The following LGI4 variants were observed in gnomAD, a reference collection of about 807,000 sequenced individuals.
The protein encoded by LGI4 is leucine rich repeat LGI family member 4.
In LGI4, 36 loss-of-function variants were observed where a neutral mutation model predicts 48.3. The observed-to-expected ratio is 0.75, with a 90% confidence interval of 0.57 to 0.98. The LOEUF (loss-of-function observed/expected upper bound fraction) is 0.98, where lower values mean the gene tolerates loss of function less well. LGI4 is among the 50% of genes least tolerant of loss of function. The probability of loss-of-function intolerance (pLI) is 0.00; values close to 1 mark genes in which losing one functional copy is unlikely to be tolerated. For missense variants in LGI4, 701 were observed against 732.1 expected, an observed-to-expected ratio of 0.96 and a Z score of 0.49; for synonymous variants, 355 against 331.6, an observed-to-expected ratio of 1.07 and a Z score of -0.77.
intron 3 of LGI4, chr19:35,133,472 C>G: frequency 7.2e-7 from 1 of 1,392,306 alleles, no homozygotes; most frequent in Non-Finnish European, 9.3e-7. Context: ...AGGTGATAAT[C>G]AACACTGATA....
rs1388084789 is a variant in LGI4 at position 35,131,538 on chromosome 19, G to C, written c.476C>G (p.Pro159Arg). 6.4e-7 allele frequency: 1 copy of C among 1,550,668 alleles called. No individual in the cohort carries two copies. Among genetic ancestry groups the C allele is most frequent in the Non-Finnish European group, 8.7e-7 (1 of 1,146,714 alleles). Residue 159 changes from proline (P) to arginine (R), a missense_variant, in exon 6 of 9, where the codon CCG (proline) becomes CGG (arginine). Physicochemically the swap from Pro to Arg is moderately radical, Grantham distance 103. Transcript: ENST00000310123. ...GAGGACGCGGCAGTCACACTGGAAC[G>C]GGTTCCCGCGGAGGTCCCTGGGGCA... The part of the protein sequence containing the change: ...TLTHVDLRGN[P>R]FQCDCRVLWL...
intron 8 of LGI4, chr19:35,125,971 T>G: frequency 1.8e-6 from 1 of 541,538 alleles, no homozygotes; most frequent in African/African-American, 1.9e-5. Context: ...AGCATCAGCC[T>G]TGGGGGCTCA....
chr19:35,125,318 G>A lies in LGI4; in HGVS notation c.1489C>T (p.Pro497Ser), dbSNP rs747435424. The part of the protein sequence containing the change: ...LLEPLQELGP[P>S]ALVAPRAFAH... ...AAGGCACGGGGGGCCACCAGGGCCGGAGGCCCCAGCTCCTGCAGTGGCTCC... is the reference window on the plus strand; with the variant it reads ...AAGGCACGGGGGGCCACCAGGGCCGAAGGCCCCAGCTCCTGCAGTGGCTCC... The change falls in exon 9 of 9, where the codon CCG (proline) becomes TCG (serine). Residue 497 changes from proline (P) to serine (S), a missense_variant. By Grantham distance (74) the Pro-to-Ser change is moderately conservative. Coordinates refer to ENST00000310123, the MANE Select transcript of LGI4 (RefSeq NM_139284.3). 1.2e-6 allele frequency: 2 copies of A among 1,612,004 alleles called. No homozygotes were observed. The highest frequency in any genetic ancestry group is 2.2e-5 in the South Asian group (2 of 91,016).
intron 6 of LGI4, among the ~76,000 whole-genome samples, chr19:35,128,486 A>G (rs1177323335): frequency 6.6e-6 from 1 of 152,222 alleles, no homozygotes; most frequent in Non-Finnish European, 1.5e-5. Flanking sequence ...AGGCAGATGG[A>G]TCAGTAGAGC....
rs907284033 is a variant in LGI4 at position 35,130,407 on chromosome 19, G to A, written c.628+979C>T. 6.6e-5 allele frequency among the ~76,000 whole-genome samples: 10 copies of A among 152,240 alleles called. 1 individual carries two copies. The South Asian group carries it at 1.0e-3, about 16-fold the overall frequency. On this transcript the variant is annotated intron_variant, in intron 6 of 8. Coordinates refer to ENST00000310123, the MANE Select transcript of LGI4 (RefSeq NM_139284.3). Reference sequence around the variant, plus strand: ...TATTGTATTCATAGCATCTGTGGCCGGGTGTGGTGGCACATGCTTGTAATC... The same window carrying A: ...TATTGTATTCATAGCATCTGTGGCCAGGTGTGGTGGCACATGCTTGTAATC...
At position 35,126,355 on chromosome 19, in the gene LGI4, TC is replaced by T; in HGVS notation, c.1213del (p.Glu405ArgfsTer65). 1 of 1,611,664 alleles carries T rather than the reference TC, an allele frequency of 6.2e-7. No homozygotes were observed. The highest frequency in any genetic ancestry group is 8.5e-7 in the Non-Finnish European group (1 of 1,179,538). On this transcript the variant is annotated frameshift_variant, in exon 8 of 9. Transcript: ENST00000310123. LOFTEE classifies it high-confidence loss of function. ...GCGTGTGGCATAGACATCCTCGGCCTCGGGGATGTCTGTGCGTCTCTCGAAG... is the reference window on the plus strand; with the variant it reads ...GCGTGTGGCATAGACATCCTCGGCCTGGGGATGTCTGTGCGTCTCTCGAAG... Reference protein sequence around the residue: ...GRFERRTDIPEAEDVYATRHF... With the variant: ...GRFERRTDIPXAEDVYATRHF...
intron 6 of LGI4, among the ~76,000 whole-genome samples, chr19:35,128,168 T>C (rs1568394659): frequency 6.6e-6 from 1 of 152,204 alleles, no homozygotes; most frequent in Non-Finnish European, 1.5e-5. Context: ...TCACTCCAGA[T>C]CCTTCTATCC....
In LGI4 at chr19:35,126,571, A is replaced by G. The variant is rs1428485826; in HGVS notation, c.998T>C (p.Val333Ala). The G allele has an allele frequency of 6.5e-7, 1 of 1,539,670 alleles. No homozygotes were observed. Among genetic ancestry groups the G allele is most frequent in the Non-Finnish European group, 8.7e-7 (1 of 1,148,220 alleles). The change falls in exon 8 of 9, where the codon GTG (valine) becomes GCG (alanine). Residue 333 changes from valine to alanine, a missense_variant. By Grantham distance (64) the Val-to-Ala change is moderately conservative (BLOSUM62 0). Around this residue, in one of 3 missense-constraint regions of LGI4, gnomAD observed 16 missense variants for 32.5 expected, o/e 0.49. Coordinates refer to ENST00000310123, the MANE Select transcript of LGI4 (RefSeq NM_139284.3). The part of the protein sequence containing the change: ...LWLEGQPCFV[V>A]ADASKAGSTT... ...GCTGCCCGCCTTGGAGGCATCGGCC[A>G]CCACGAAGCAGGGTTGCCCTTCCAG...
rs757247285 is a variant in LGI4 at position 35,132,003 on chromosome 19, A to G, written c.354T>C (p.Asn118=). The G allele has an allele frequency of 6.3e-7, 1 of 1,587,768 alleles. No homozygotes were observed. Among genetic ancestry groups the G allele is most frequent in the Non-Finnish European group, 8.6e-7 (1 of 1,166,676 alleles). Residue 118 remains asparagine (N), a synonymous_variant, in exon 4 of 9, where the codon AAT becomes AAC. Coordinates refer to ENST00000310123, the MANE Select transcript of LGI4 (RefSeq NM_139284.3). ...TAAGCGAGCGAAGTCCTCTGAGGGC[A>G]TTCTTAGAGATGGAGCCAATCTCAT... The part of the protein sequence containing the change: ...EDNEIGSISK[N]ALRGLRSLTH...
rs1389840953 is a variant in LGI4, at chr19:35,124,666, G to T, written c.*527C>A. The T allele has an allele frequency of 1.3e-5, 2 of 152,426 alleles. No homozygotes were observed. Among genetic ancestry groups the T allele is most frequent in the African/African-American group, 4.8e-5 (2 of 41,482 alleles). 9.4% of individuals were successfully genotyped at this position (152,426 alleles called of 1,614,324 possible). On this transcript the variant is annotated 3_prime_UTR_variant, in exon 9 of 9. Coordinates refer to ENST00000310123, the MANE Select transcript of LGI4 (RefSeq NM_139284.3). Reference sequence around the variant, plus strand: ...AGGCGCAAAAGGCACAGCTTGCTGGGCGGCCGCACGCATGCGCACAAGCAG... The same window carrying T: ...AGGCGCAAAAGGCACAGCTTGCTGGTCGGCCGCACGCATGCGCACAAGCAG...
chr19:35,128,380 G>A (rs911493307), intron 6 of LGI4, among the ~76,000 whole-genome samples: 2 of 152,152 alleles, frequency 1.3e-5, no homozygotes, highest in African/African-American at 4.8e-5. Flanking sequence ...CCTAAAGGGC[G>A]AATCTTTTTT....
rs2065199771 is a variant in LGI4, at chr19:35,134,994, C to G, written c.-314G>C. ...TCTTTTTTTCTGTGTTGCTGTCAGT[C>G]TTTCAGGCTTTAGGTAGCTGTCTAT... On this transcript the variant is annotated 5_prime_UTR_variant, in exon 1 of 9. Coordinates refer to ENST00000310123, the MANE Select transcript of LGI4 (RefSeq NM_139284.3). 2 of 343,552 alleles carry G rather than the reference C, an allele frequency of 5.8e-6. No individual in the cohort carries two copies. Among genetic ancestry groups the G allele is most frequent in the South Asian group, 4.5e-5 (1 of 22,256 alleles). The allele number at this position is 343,552 out of a possible 1,614,324, so 21.3% of individuals were successfully genotyped here. A position where few individuals can be genotyped will look rare whatever the true frequency, so the allele number is the denominator to read the frequency against.
rs1228838300 is a variant in LGI4 at position 35,124,769 on chromosome 19, T to G, written c.*424A>C. 2 of 158,786 alleles carry G rather than the reference T, an allele frequency of 1.3e-5. No homozygotes were observed. Among genetic ancestry groups the G allele is most frequent in the African/African-American group, 4.8e-5 (2 of 41,740 alleles). 9.8% of individuals were successfully genotyped at this position (158,786 alleles called of 1,614,324 possible). On this transcript the variant is annotated 3_prime_UTR_variant, in exon 9 of 9. Coordinates refer to ENST00000310123, the MANE Select transcript of LGI4 (RefSeq NM_139284.3). Reference sequence around the variant, plus strand: ...GGAAAGCGATTGGCTGCGTGGAGTTTAGAATGGGAAAGGAATGCCATCAAC... The same window carrying G: ...GGAAAGCGATTGGCTGCGTGGAGTTGAGAATGGGAAAGGAATGCCATCAAC...
At chr19:35,128,668 T>TGTGTGG (rs2065155850) in intron 6 of LGI4, among the ~76,000 whole-genome samples, 1 of 152,184 alleles carries the variant, frequency 6.6e-6, no homozygotes, top group Non-Finnish European at 1.5e-5. Context: ...GCCGTGATTG[T>TGTGTGG]ACCACTGAAC....
At chr19:35,127,951 C>T (rs1672977) in intron 6 of LGI4, among the ~76,000 whole-genome samples, 53,549 of 152,072 alleles carry the variant, frequency 0.35, 9,692 homozygotes, top group South Asian at 0.5. Context: ...CCCCATTCAC[C>T]GCCCTCGCTG....
chr19:35,131,957 G>A lies in LGI4; in HGVS notation c.386+14C>T. 6.3e-7 allele frequency: 1 copy of A among 1,584,572 alleles called. No individual in the cohort carries two copies. The highest frequency in any genetic ancestry group is 8.6e-7 in the Non-Finnish European group (1 of 1,164,858). On this transcript the variant is annotated intron_variant, in intron 4 of 8. Transcript: ENST00000310123. ...GTGCCTCTCATGGAGGGCTGGGGCGGTGGAGGCACGCACAGGTGTGTAAGC... is the reference window on the plus strand; with the variant it reads ...GTGCCTCTCATGGAGGGCTGGGGCGATGGAGGCACGCACAGGTGTGTAAGC...
chr19:35,133,928 G>A (rs1033939006), intron 2 of LGI4, 105 bp downstream of exon 2: 26 of 1,323,416 alleles, frequency 2.0e-5, no homozygotes, highest in South Asian at 2.5e-5. Flanking sequence ...CCCCACACAC[G>A]TGCATCAATG....
rs540303659 is a variant in LGI4, at chr19:35,130,386, G to T, written c.628+1000C>A. On this transcript the variant is annotated intron_variant, in intron 6 of 8. Transcript: ENST00000310123. The stretch of plus-strand genomic sequence containing the variant: ...AATAATAATTATTGCTGTTGTTATT[G>T]TATTCATAGCATCTGTGGCCGGGTG... Among the ~76,000 whole-genome samples the T allele has an allele frequency of 2.0e-5, 3 of 152,246 alleles. No homozygotes were observed. The South Asian group carries it at 6.2e-4, about 32-fold the overall frequency.
rs1376275306 is a variant in LGI4 at position 35,131,835 on chromosome 19, T to C, written c.412A>G (p.Thr138Ala). The change falls in exon 5 of 9, where the codon ACC (threonine) becomes GCC (alanine). Residue 138 changes from threonine (T) to alanine (A), a missense_variant. Coordinates refer to ENST00000310123, the MANE Select transcript of LGI4 (RefSeq NM_139284.3). ...CCTCGGAACAGGAATCTGGGGAGGG[T>C]CTCCAGATGGTTATTGGCCAGGCTT... ...HLSLANNHLE[T>A]LPRFLFRGLD... 1.3e-6 allele frequency: 2 copies of C among 1,572,910 alleles called. No homozygotes were observed. The highest frequency in any genetic ancestry group is 2.3e-5 in the South Asian group (2 of 85,532).
Sources: allele counts gnomAD v4.1 joint callset (sites outside exome capture counted in the v4.1 genomes callset), GRCh38; gene constraint gnomAD v4.1.1; regional missense constraint gnomAD v4.1.1; transcripts MANE v1.5; gene names NCBI Gene and HGNC (gene_info 2026-07-23, HGNC 2026-07-21).